The following MYO10 variants were observed in gnomAD, a reference collection of about 807,000 sequenced individuals.
MYO10 encodes myosin X.
A neutral mutation model predicts 257.3 loss-of-function variants in MYO10; 133 were observed. That is an observed-to-expected ratio of 0.52 (90% CI 0.45 to 0.60). The LOEUF is 0.60. Among genes scored for constraint, MYO10 ranks in the 20% least tolerant of loss-of-function variants. MYO10 has a pLI of 0.00. For synonymous variants in MYO10, 1,104 were observed against 1,028.6 expected (o/e 1.07, Z -1.40); for missense variants, 2,399 against 2,635.7 (o/e 0.91, Z 1.97).
At chr5:16,720,018 G>GTGTT (rs1478328097) in intron 19 of MYO10, among the ~76,000 whole-genome samples, 4 of 144,026 alleles carry the variant, frequency 2.8e-5, no homozygotes, top group African/African-American at 1.2e-4. Context: ...GTGTGTGTGT[G>GTGTT]TGTGTATATG....
chr5:16,917,180 T>C (rs1391063581), intron 1 of MYO10, among the ~76,000 whole-genome samples: 1 of 152,198 alleles, frequency 6.6e-6, no homozygotes, highest in Non-Finnish European at 1.5e-5. Flanking sequence ...ATGCCGGTAT[T>C]AAAATTAATA....
At chr5:16,899,883 A>C (rs1745327408) in intron 1 of MYO10, among the ~76,000 whole-genome samples, 1 of 151,358 alleles carries the variant, frequency 6.6e-6, no homozygotes, top group South Asian at 2.1e-4. Context: ...CTGTAATCCC[A>C]GCTACTTGGG....
Position 16,668,339 on chromosome 5 carries a change from G to A in MYO10, c.6013C>T (p.Pro2005Ser). 6.2e-7 allele frequency: 1 copy of A among 1,613,992 alleles called. No homozygotes were observed. The highest frequency in any genetic ancestry group is 8.5e-7 in the Non-Finnish European group (1 of 1,179,884). The change falls in exon 40 of 41, where the codon CCC becomes TCC. Residue 2005 changes from proline to serine, a missense_variant. Physicochemically the swap from Pro to Ser is moderately conservative, Grantham distance 74. Around this residue, in one of 3 missense-constraint regions of MYO10, gnomAD observed 1,820 missense variants for 1,939.4 expected, o/e 0.94. Coordinates refer to ENST00000513610, the MANE Select transcript of MYO10 (RefSeq NM_012334.3). ...QYEHILSFGA[P>S]LANTYKIVVD... ...ACGATCTTATACGTATTCGCCAGGG[G>A]TGCCCCAAAAGAGAGGATGTGTTCA...
chr5:16,728,011 G>C (rs148611962), intron 19 of MYO10, among the ~76,000 whole-genome samples: 2 of 152,084 alleles, frequency 1.3e-5, no homozygotes, highest in African/African-American at 4.8e-5. Context: ...GGCTGCCTCT[G>C]TGCCTGGTCA....
At chr5:16,687,455 G>A (rs756980316) in intron 28 of MYO10, among the ~76,000 whole-genome samples, 15 of 151,108 alleles carry the variant, frequency 9.9e-5, no homozygotes, top group African/African-American at 2.9e-4. Flanking sequence ...AAATGTGAGC[G>A]CTATCAAATA....
At chr5:16,841,478 C>G (rs530008870) in intron 2 of MYO10, among the ~76,000 whole-genome samples, 1 of 152,262 alleles carries the variant, frequency 6.6e-6, no homozygotes, top group African/African-American at 2.4e-5. Context: ...TAAGTTAATC[C>G]TGACACCAAA....
At chr5:16,846,460 T>C (rs1743637949) in intron 2 of MYO10, among the ~76,000 whole-genome samples, 3 of 152,160 alleles carry the variant, frequency 2.0e-5, no homozygotes, top group Non-Finnish European at 4.4e-5. Flanking sequence ...TCTACAATCA[T>C]AAAAAGAAAT....
At chr5:16,667,943 T>TA (rs985746525) in intron 40 of MYO10, among the ~76,000 whole-genome samples, 35 of 152,160 alleles carry the variant, frequency 2.3e-4, no homozygotes, top group Middle Eastern at 3.2e-3. Context: ...CTATAATTGC[T>TA]AACTAATTTT....
chr5:16,711,520 G>A (rs1264270915), intron 19 of MYO10, among the ~76,000 whole-genome samples: 4 of 152,092 alleles, frequency 2.6e-5, no homozygotes, highest in Non-Finnish European at 4.4e-5. Flanking sequence ...ACGGTGGCTC[G>A]CGCCTGTAAT....
rs191294586 is a variant in MYO10, at chr5:16,731,699, G to C, written c.1930-20454C>G. Among the ~76,000 whole-genome samples the C allele has an allele frequency of 2.6e-5, 4 of 152,340 alleles. No individual in the cohort carries two copies. The East Asian group carries it at 7.7e-4, about 29-fold the overall frequency. The stretch of plus-strand genomic sequence containing the variant: ...GCAACCCTGTGGAATTGGAGACAGA[G>C]AGGAAAGCGTGGACATTACCCAAGA... On this transcript the variant is annotated intron_variant, in intron 19 of 40. Coordinates refer to ENST00000513610, the MANE Select transcript of MYO10 (RefSeq NM_012334.3).
At chr5:16,722,932 AAGAC>A (rs1454104227) in intron 19 of MYO10, among the ~76,000 whole-genome samples, 5 of 152,236 alleles carry the variant, frequency 3.3e-5, no homozygotes, top group African/African-American at 1.2e-4. Flanking sequence ...CACACTAAGA[AAGAC>A]TGTATCAAAA....
At position 16,664,108 on chromosome 5, in the gene MYO10, C is replaced by A. The variant is rs1579770420; in HGVS notation, c.*2584G>T. ...ATGGGGGATGCTACCACTGGGGAAA[C>A]TGAAGGGCACGCAGGCCTCCCTGTA... On this transcript the variant is annotated 3_prime_UTR_variant, in exon 41 of 41. Transcript: ENST00000513610. 2.0e-5 allele frequency: 3 copies of A among 152,306 alleles called. No individual in the cohort carries two copies. In the East Asian group the frequency reaches 5.8e-4, roughly 29 times the overall value. 9.4% of individuals were successfully genotyped at this position (152,306 alleles called of 1,614,324 possible). A position where few individuals can be genotyped will look rare whatever the true frequency, so the allele number is the denominator to read the frequency against.
Position 16,673,668 on chromosome 5 carries a change from C to G in MYO10, c.5172+14G>C. On this transcript the variant is annotated intron_variant, in intron 36 of 40. Coordinates refer to ENST00000513610, the MANE Select transcript of MYO10 (RefSeq NM_012334.3). ...AGGCATCTAACAGAACAAGCAGCAG[C>G]TGCCTCTCCTCACCTCCCCAGCGGT... 1.2e-6 allele frequency: 2 copies of G among 1,609,682 alleles called. No individual in the cohort carries two copies. The highest frequency in any genetic ancestry group is 1.7e-6 in the Non-Finnish European group (2 of 1,177,672).
rs375436981 is a variant in MYO10, at chr5:16,694,390, C to T, written c.3781G>A (p.Val1261Ile). Residue 1261 changes from valine (V) to isoleucine (I), a missense_variant, in exon 27 of 41, where the codon GTA becomes ATA. By Grantham distance (29) the Val-to-Ile change is conservative (BLOSUM62 3). This residue lies in a region of MYO10 where 1,820 missense variants were observed against 1,939.4 expected (regional missense o/e 0.94). Transcript: ENST00000513610. ...NDSEEKLKGT[V>I]EVRTAKEIID... ...ACCTACTTTGCCGTTCGCACTTCTACGGTGCCCTTGAGCTTCTCCTCGCTG... is the reference window on the plus strand; with the variant it reads ...ACCTACTTTGCCGTTCGCACTTCTATGGTGCCCTTGAGCTTCTCCTCGCTG... The T allele has an allele frequency of 2.5e-5, 41 of 1,613,928 alleles. No homozygotes were observed. Among genetic ancestry groups the T allele is most frequent in the East Asian group, 1.1e-4 (5 of 44,896 alleles).
At chr5:16,846,388 A>G (rs1743635994) in intron 2 of MYO10, among the ~76,000 whole-genome samples, 1 of 152,194 alleles carries the variant, frequency 6.6e-6, no homozygotes, top group Non-Finnish European at 1.5e-5. Flanking sequence ...TGGACCTGCC[A>G]AGCCTGTTTT....
chr5:16,918,462 CTGGAAACACAA>C (rs1745885331), intron 1 of MYO10, among the ~76,000 whole-genome samples: 1 of 151,244 alleles, frequency 6.6e-6, no homozygotes, highest in Non-Finnish European at 1.5e-5. Context: ...CGGATGCTCC[CTGGAAACACAA>C]AATTTCACTG....
In MYO10 at chr5:16,681,517, TTAAAGTG is replaced by T. The variant is rs760244979; in HGVS notation, c.4190-21_4190-15del. On this transcript the variant is annotated splice_polypyrimidine_tract_variant and intron_variant, in intron 31 of 40. Transcript: ENST00000513610. ...TGTGCAACCATCCTGGAAAAAAAGA[TTAAAGTG>T]TAAATTAAAATCTGTGAGGAGAAAC... 10 of 1,593,862 alleles carry T rather than the reference TTAAAGTG, an allele frequency of 6.3e-6. No homozygotes were observed. The highest frequency in any genetic ancestry group is 1.7e-4 in the Middle Eastern group (1 of 5,942).
At position 16,794,668 on chromosome 5, in the gene MYO10, C is replaced by G. The variant is rs770956217; in HGVS notation, c.445G>C (p.Asp149His). 10 of 1,611,640 alleles carry G rather than the reference C, an allele frequency of 6.2e-6. No homozygotes were observed. The highest frequency in any genetic ancestry group is 8.5e-6 in the Non-Finnish European group (10 of 1,178,856). ...TACCTGATGAGGATGCACTGGTTGT[C>G]GTGGCGCTTCCACAGGCAGCGGTAG... ...ECYRCLWKRH[D>H]NQCILISGES... The change falls in exon 4 of 41, where the codon GAC becomes CAC. Residue 149 changes from aspartate (D) to histidine (H), a missense_variant. By Grantham distance (81) the Asp-to-His change is moderately conservative. Coordinates refer to ENST00000513610, the MANE Select transcript of MYO10 (RefSeq NM_012334.3).
chr5:16,683,162 A>G (rs1457198580), intron 30 of MYO10, among the ~76,000 whole-genome samples: 1 of 152,220 alleles, frequency 6.6e-6, no homozygotes, highest in African/African-American at 2.4e-5. Flanking sequence ...AGGAGGCACT[A>G]TATTTTGTTG....
Sources: gnomAD v4.1 joint callset for allele counts (sites outside exome capture counted in the v4.1 genomes callset) on GRCh38, gnomAD v4.1.1 for gene constraint, gnomAD v4.1.1 regional missense constraint, MANE v1.5 for transcripts, NCBI Gene and HGNC (gene_info 2026-07-23, HGNC 2026-07-21) for gene names.